B3GAT1: variants seen among roughly 807,000 people sequenced by gnomAD.
B3GAT1 encodes the protein beta-1,3-glucuronyltransferase 1, also known as galactosylgalactosylxylosylprotein 3-beta-glucuronosyltransferase 1.
B3GAT1 carries 11 observed loss-of-function variants against 28.4 expected under a neutral mutation model. The observed-to-expected ratio is 0.39, with a 90% CI of 0.24 to 0.64. B3GAT1 has a LOEUF of 0.64. Among genes scored for constraint, B3GAT1 ranks in the 30% least tolerant of loss-of-function variants. The probability of loss-of-function intolerance (pLI) is 0.50; values close to 1 mark genes in which losing one functional copy is unlikely to be tolerated. For synonymous variants in B3GAT1, 255 were observed against 223.1 expected (o/e 1.14, Z -1.27); for missense variants, 375 against 491.0 (o/e 0.76, Z 2.23).
chr11:134,387,562 A>G lies in B3GAT1; in HGVS notation c.98T>C (p.Leu33Pro), dbSNP rs146759752. Residue 33 changes from leucine to proline, a missense_variant, in exon 2 of 6, where the codon CTC becomes CCC. Coordinates refer to ENST00000312527, the MANE Select transcript of B3GAT1 (RefSeq NM_054025.3). ...VWHQSTLAPL[L>P]AVHKDEGSDP... The stretch of plus-strand genomic sequence containing the variant: ...TGCGTGCTCACCCTTATGTACCGCG[A>G]GCAGGGGTGCGAGGGTGCTCTGGTG... 1 of 1,614,042 alleles carries G rather than the reference A, an allele frequency of 6.2e-7. No homozygotes were observed. Among genetic ancestry groups the G allele is most frequent in the Admixed American group, 1.7e-5 (1 of 60,030 alleles).
At chr11:134,402,188 A>G (rs1410480705) in intron 1 of B3GAT1, among the ~76,000 whole-genome samples, 1 of 152,008 alleles carries the variant, frequency 6.6e-6, no homozygotes, top group Non-Finnish European at 1.5e-5. Context: ...TCAGGTGGGG[A>G]GACTGAGGTT....
At position 134,384,181 on chromosome 11, in the gene B3GAT1, G is replaced by A; in HGVS notation, c.120C>T (p.Gly40=). The A allele has an allele frequency of 6.5e-7, 1 of 1,539,438 alleles. No individual in the cohort carries two copies. The highest frequency in any genetic ancestry group is 1.2e-5 in the South Asian group (1 of 81,678). Residue 40 remains glycine, a synonymous_variant, in exon 3 of 6, where the codon GGC becomes GGT. Coordinates refer to ENST00000312527, the MANE Select transcript of B3GAT1 (RefSeq NM_054025.3). ...APLLAVHKDE[G]SDPRRETPPG... ...GCGGCGTTTCGCGTCGGGGGTCACT[G>A]CCCTCATCTGCGGAGTCGGGAGACC...
chr11:134,410,681 G>C (rs1230292891), intron 1 of B3GAT1, among the ~76,000 whole-genome samples: 3 of 152,208 alleles, frequency 2.0e-5, no homozygotes, highest in African/African-American at 7.2e-5. Flanking sequence ...AAGCACAGAA[G>C]ACAAATCTTA....
rs1944078498 is a variant in B3GAT1 at position 134,379,384 on chromosome 11, A to C, written c.*1378T>G. ...CACTTGGGGGGAAAATTGTGCTTCCAACTTGCAGGAGAATGAGCCGGATCA... is the reference window on the plus strand; with the variant it reads ...CACTTGGGGGGAAAATTGTGCTTCCCACTTGCAGGAGAATGAGCCGGATCA... On this transcript the variant is annotated 3_prime_UTR_variant, in exon 6 of 6. Coordinates refer to ENST00000312527, the MANE Select transcript of B3GAT1 (RefSeq NM_054025.3). The C allele has an allele frequency of 6.6e-6, 1 of 152,448 alleles. No individual in the cohort carries two copies. The highest frequency in any genetic ancestry group is 2.4e-5 in the African/African-American group (1 of 41,396). 9.4% of individuals were successfully genotyped at this position (152,448 alleles called of 1,614,324 possible).
chr11:134,404,534 C>A (rs1944690727), intron 1 of B3GAT1, among the ~76,000 whole-genome samples: 1 of 152,200 alleles, frequency 6.6e-6, no homozygotes. Context: ...CTCCTCGGAG[C>A]CTGCACCCTG....
At position 134,383,902 on chromosome 11, in the gene B3GAT1, C is replaced by T; in HGVS notation, c.399G>A (p.Leu133=). 6.3e-7 allele frequency: 1 copy of T among 1,595,836 alleles called. No homozygotes were observed. Residue 133 remains leucine (L), a synonymous_variant, in exon 3 of 6, where the codon CTG becomes CTA. Transcript: ENST00000312527. ...TGTAGTTGAGGCCGGTGTCGCGCAGCAGGCGCGCGGTCAGCGGCGTCCGGC... is the reference window on the plus strand; with the variant it reads ...TGTAGTTGAGGCCGGTGTCGCGCAGTAGGCGCGCGGTCAGCGGCGTCCGGC... ...APRRTPLTAR[L]LRDTGLNYTH...
chr11:134,390,697 G>C (rs1227881378), intron 1 of B3GAT1: 1 of 152,270 alleles, frequency 6.6e-6, no homozygotes, highest in East Asian at 1.9e-4. Context: ...CATGGCTGTG[G>C]TCCCTGTGGG....
At chr11:134,380,788 G>C (rs1249879913) in intron 5 of B3GAT1, 41 bp from the exon 6 acceptor site, 1 of 152,444 alleles carries the variant, frequency 6.6e-6, no homozygotes, top group Non-Finnish European at 1.5e-5. Flanking sequence ...GTCGGCTGAG[G>C]GTGGGGCCGG....
In B3GAT1 at chr11:134,404,621, G is replaced by A. The variant is rs552998490; in HGVS notation, c.-282+7186C>T. ...CATGCACCTTCCTGGGAATCACGGGGTGACAGGCACCAGGTATGCCTGCGG... is the reference window on the plus strand; with the variant it reads ...CATGCACCTTCCTGGGAATCACGGGATGACAGGCACCAGGTATGCCTGCGG... On this transcript the variant is annotated intron_variant, in intron 1 of 5. Coordinates refer to ENST00000312527, the MANE Select transcript of B3GAT1 (RefSeq NM_054025.3). Among the ~76,000 whole-genome samples, 790 of 152,242 alleles carry A rather than the reference G, an allele frequency of 5.2e-3. 4 individuals carry two copies. Among genetic ancestry groups the A allele is most frequent in the Middle Eastern group, 0.014 (4 of 294 alleles).
At chr11:134,381,703 C>T in intron 5 of B3GAT1, 1 of 548,578 alleles carries the variant, frequency 1.8e-6, no homozygotes, top group Non-Finnish European at 3.3e-6. Context: ...TCTGAAGAGT[C>T]TGGTGGCAGA....
intron 1 of B3GAT1, among the ~76,000 whole-genome samples, chr11:134,396,721 C>A (rs551331808): frequency 6.6e-6 from 1 of 152,290 alleles, no homozygotes; most frequent in African/African-American, 2.4e-5. Context: ...GGCCAGGAAA[C>A]GGGTCTGCTC....
intron 1 of B3GAT1, among the ~76,000 whole-genome samples, chr11:134,392,526 T>C (rs1379766486): frequency 6.6e-6 from 1 of 152,160 alleles, no homozygotes; most frequent in African/African-American, 2.4e-5. Context: ...CCTGCCACCA[T>C]GTCCAGCTAA....
chr11:134,406,521 C>G (rs1450951183), intron 1 of B3GAT1, among the ~76,000 whole-genome samples: 1 of 72,404 alleles, frequency 1.4e-5, no homozygotes, highest in Non-Finnish European at 2.4e-5. Flanking sequence ...CAGAGGTAGC[C>G]AGGACTTGTG....
intron 1 of B3GAT1, among the ~76,000 whole-genome samples, chr11:134,402,837 C>G (rs1203068337): frequency 6.6e-6 from 1 of 151,328 alleles, no homozygotes; most frequent in Non-Finnish European, 1.5e-5. Context: ...AACTTGAGCC[C>G]GGGAGGTGGA....
intron 1 of B3GAT1, among the ~76,000 whole-genome samples, chr11:134,396,658 A>G (rs930575327): frequency 2.0e-5 from 3 of 151,970 alleles, no homozygotes; most frequent in African/African-American, 7.3e-5. Context: ...TCTGCCACAT[A>G]GTTGGGCCAA....
Position 134,393,870 on chromosome 11 carries a change from G to GC in B3GAT1, c.-281-5931dup, listed in dbSNP as rs1014022666. Among the ~76,000 whole-genome samples the GC allele has an allele frequency of 3.3e-5, 5 of 152,162 alleles. No homozygotes were observed. Among genetic ancestry groups the GC allele is most frequent in the African/African-American group, 1.2e-4 (5 of 41,432 alleles). On this transcript the variant is annotated intron_variant, in intron 1 of 5. Coordinates refer to ENST00000312527, the MANE Select transcript of B3GAT1 (RefSeq NM_054025.3). The surrounding 1 kb of genome is among the most constrained non-coding windows in gnomAD (Gnocchi z 4.0). ...ATCTCTGTCACCCAGGAACCCCAGT[G>GC]CCCCCAAAGAGAGGGAGGGACAGGC... is the stretch of plus-strand genomic sequence containing the variant.
chr11:134,402,899 C>A (rs574600419), intron 1 of B3GAT1, among the ~76,000 whole-genome samples: 2 of 146,936 alleles, frequency 1.4e-5, no homozygotes, highest in Non-Finnish European at 3.0e-5. Context: ...GGCAACAGAG[C>A]GAGACTCTGT....
intron 2 of B3GAT1, chr11:134,385,214 A>G (rs2136307213): frequency 6.6e-6 from 1 of 152,438 alleles, no homozygotes; most frequent in Admixed American, 6.5e-5. Flanking sequence ...GCGGAAGGGC[A>G]GTGGCCAACT....
rs1944193181 is a variant in B3GAT1 at position 134,383,666 on chromosome 11, G to GAAGA, written c.621+13_621+14insTCTT. The GAAGA allele has an allele frequency of 6.5e-7, 1 of 1,541,748 alleles. No homozygotes were observed. The highest frequency in any genetic ancestry group is 1.4e-5 in the African/African-American group (1 of 73,132). ...GCCGGAGGTCCCGCTGCTCACTGTC[G>GAAGA]GGCCCTCCCTCACCTCTTCGAAGAG... On this transcript the variant is annotated intron_variant, in intron 3 of 5. Coordinates refer to ENST00000312527, the MANE Select transcript of B3GAT1 (RefSeq NM_054025.3).
Sources: allele counts gnomAD v4.1 joint callset (sites outside exome capture counted in the v4.1 genomes callset), GRCh38; gene constraint gnomAD v4.1.1; non-coding constraint Gnocchi (gnomAD v3.1); transcripts MANE v1.5; gene names NCBI Gene and HGNC (gene_info 2026-07-23, HGNC 2026-07-21).